TEDC1: variants seen among roughly 807,000 people sequenced by gnomAD.
TEDC1 encodes tubulin epsilon and delta complex 1, also known as tubulin epsilon and delta complex protein 1.
Under a neutral mutation model 59.9 loss-of-function variants are expected in TEDC1, and 54 were observed. That is an observed-to-expected ratio of 0.90 (90% confidence interval 0.72 to 1.13). TEDC1 has a LOEUF of 1.13. TEDC1 is among the 50% of genes most tolerant of loss of function. TEDC1 has a pLI of 0.00. For missense variants in TEDC1, 734 were observed against 683.4 expected (o/e 1.07, Z -0.83); for synonymous variants, 353 against 298.1 (o/e 1.18, Z -1.90).
At chr14:105,490,123 G>T (rs1432593553), upstream of TEDC1, 1 of 151,704 alleles carries the variant, frequency 6.6e-6, no homozygotes, top group African/African-American at 2.4e-5. Flanking sequence ...GGCGGGGAAG[G>T]ACGGAGGGCG....
In TEDC1 at chr14:105,498,829, C is replaced by G. The variant is rs1555441096; in HGVS notation, c.1371C>G (p.Ser457Arg). Residue 457 changes from serine (S) to arginine (R), a missense_variant, in exon 9 of 9, where the codon AGC (serine) becomes AGG (arginine). Physicochemically the swap from Ser to Arg is moderately radical, Grantham distance 110. Coordinates refer to ENST00000392523, the MANE Select transcript of TEDC1 (RefSeq NM_001367178.1). ...RAAVVIRTLR[S>R]QEACLEAVLR... The stretch of plus-strand genomic sequence containing the variant: ...CTGTGGTGATCAGGACGCTGAGGAG[C>G]CAGGAGGCCTGCCTGGAGGCGGTGC... 4.4e-6 allele frequency: 7 copies of G among 1,607,040 alleles called. No individual in the cohort carries two copies. The highest frequency in any genetic ancestry group is 5.9e-6 in the Non-Finnish European group (7 of 1,177,824).
In TEDC1 at chr14:105,491,612, T is replaced by G. The variant is rs1466726874; in HGVS notation, c.148-10T>G. 1 of 1,549,386 alleles carries G rather than the reference T, an allele frequency of 6.5e-7. No individual in the cohort carries two copies. Among genetic ancestry groups the G allele is most frequent in the East Asian group, 2.4e-5 (1 of 40,902 alleles). ...GGCTCCGCTGACCGCCCGCTTTTTA[T>G]TTTCCGCAGACCTCCGCGCTCTGGC... On this transcript the variant is annotated splice_polypyrimidine_tract_variant and intron_variant, in intron 1 of 8. Transcript: ENST00000392523.
chr14:105,493,805 T>G (rs1243889090), intron 4 of TEDC1, 30 bp from the exon 5 acceptor site: 3 of 1,555,304 alleles, frequency 1.9e-6, no homozygotes, highest in Non-Finnish European at 2.6e-6. Context: ...TGACTGCCAC[T>G]CAGCCTGGGG....
At position 105,493,872 on chromosome 14, in the gene TEDC1, G is replaced by T. The variant is rs781819407; in HGVS notation, c.623G>T (p.Ser208Ile). Residue 208 changes from serine (S) to isoleucine (I), a missense_variant, in exon 5 of 9, where the codon AGC (serine) becomes ATC (isoleucine). By Grantham distance (142) the Ser-to-Ile change is moderately radical (BLOSUM62 -2). Transcript: ENST00000392523. Reference protein sequence around the residue: ...LYTRGCHSDQSLSHLSVTEAE... With the variant: ...LYTRGCHSDQILSHLSVTEAE... ...ACACGCGGCTGCCACAGCGACCAGA[G>T]CCTTAGCCATCTGTCTGTCACTGAA... is the stretch of plus-strand genomic sequence containing the variant. The T allele has an allele frequency of 3.3e-5, 53 of 1,602,480 alleles. No homozygotes were observed. The Admixed American group carries it at 8.2e-4, about 25-fold the overall frequency.
chr14:105,491,396 G>T lies in TEDC1; in HGVS notation c.21G>T (p.Arg7=), dbSNP rs587737632. The change falls in exon 1 of 9, where the codon CGG becomes CGT. Residue 7 remains arginine (R), a synonymous_variant. Coordinates refer to ENST00000392523, the MANE Select transcript of TEDC1 (RefSeq NM_001367178.1). Reference sequence around the variant, plus strand: ...GCTGCATGGGGAGGCGGCGGCAGCGGGTGGACCCCGCGGCTGGGGCCCGGG... The same window carrying T: ...GCTGCATGGGGAGGCGGCGGCAGCGTGTGGACCCCGCGGCTGGGGCCCGGG... MGRRRQ[R]VDPAAGARAG... is the part of the protein sequence containing the mutation. 513 of 1,419,872 alleles carry T rather than the reference G, an allele frequency of 3.6e-4. 3 individuals carry two copies. In the African/African-American group the frequency reaches 6.2e-3, roughly 17 times the overall value. 88.0% of individuals were successfully genotyped at this position (1,419,872 alleles called of 1,614,324 possible).
Position 105,494,215 on chromosome 14 carries a change from A to G in TEDC1, c.684+282A>G, listed in dbSNP as rs1396432123. On this transcript the variant is annotated intron_variant, in intron 5 of 8. Transcript: ENST00000392523. ...GCCTGGGCTGGGCAGGCAGCTGGCT[A>G]AGGGCAGGCTGTTGGAATAAAGGAA... The G allele has an allele frequency of 1.3e-5, 7 of 521,480 alleles. No individual in the cohort carries two copies. The African/African-American group carries it at 1.4e-4, about 10-fold the overall frequency. 32.3% of individuals were successfully genotyped at this position (521,480 alleles called of 1,614,324 possible).
At chr14:105,491,986 C>G (rs1159595935) in intron 2 of TEDC1, 121 bp from the exon 3 acceptor site, 1 of 1,077,662 alleles carries the variant, frequency 9.3e-7, no homozygotes. Context: ...CTCCCACTAT[C>G]ATCTCTTCTG....
rs1020920909 is a variant in TEDC1, at chr14:105,499,154, C to T, written c.*208C>T. 8 of 609,470 alleles carry T rather than the reference C, an allele frequency of 1.3e-5. No homozygotes were observed. The Middle Eastern group carries it at 1.3e-3, about 101-fold the overall frequency. 37.8% of individuals were successfully genotyped at this position (609,470 alleles called of 1,614,324 possible). ...GCACTGGGGACAGGAATGGCTGGTC[C>T]CTTGAGGAGGTCGTGACAGGCTCAG... is the stretch of plus-strand genomic sequence containing the variant. On this transcript the variant is annotated 3_prime_UTR_variant, in exon 9 of 9. Coordinates refer to ENST00000392523, the MANE Select transcript of TEDC1 (RefSeq NM_001367178.1).
In TEDC1 at chr14:105,497,354, C is replaced by T; in HGVS notation, c.892-3C>T. 1.9e-6 allele frequency: 3 copies of T among 1,550,548 alleles called. No individual in the cohort carries two copies. Among genetic ancestry groups the T allele is most frequent in the Non-Finnish European group, 2.6e-6 (3 of 1,147,368 alleles). ...TCTAGGCCAGCTGCCGTTTGCCTTC[C>T]AGCTGCTGCGGACTCTGGAGCGTGA... On this transcript the variant is annotated splice_polypyrimidine_tract_variant and splice_region_variant and intron_variant, in intron 6 of 8. Transcript: ENST00000392523.
At chr14:105,494,087 G>A in intron 5 of TEDC1, 154 bp downstream of exon 5, 1 of 649,776 alleles carries the variant, frequency 1.5e-6, no homozygotes, top group South Asian at 1.8e-5. Flanking sequence ...TTGCCAGCCT[G>A]GGTGACAGAC....
In TEDC1 at chr14:105,496,023, C is replaced by T. The variant is rs1555440373; in HGVS notation, c.828C>T (p.Asp276=). The T allele has an allele frequency of 6.5e-7, 1 of 1,550,182 alleles. No homozygotes were observed. The highest frequency in any genetic ancestry group is 8.7e-7 in the Non-Finnish European group (1 of 1,146,904). ...VCEQPGLLPG[D]WAAPLDPGGA... is the part of the protein sequence containing the mutation. ...AGCAGCCAGGTCTGCTGCCGGGTGA[C>T]TGGGCAGCACCCTTGGATCCTGGTG... The change falls in exon 6 of 9, where the codon GAC becomes GAT. Residue 276 remains aspartate, a synonymous_variant. Transcript: ENST00000392523.
At chr14:105,497,627 C>T (rs2084377248) in intron 7 of TEDC1, 171 bp from the exon 8 acceptor site, 1 of 1,118,096 alleles carries the variant, frequency 8.9e-7, no homozygotes, top group Non-Finnish European at 1.2e-6. Flanking sequence ...CCCCCGCCCT[C>T]AGCTCCATGG....
At position 105,495,991 on chromosome 14, in the gene TEDC1, G is replaced by A. The variant is rs1001132182; in HGVS notation, c.796G>A (p.Val266Ile). The A allele has an allele frequency of 2.6e-6, 4 of 1,550,128 alleles. No individual in the cohort carries two copies. The highest frequency in any genetic ancestry group is 4.9e-5 in the East Asian group (2 of 40,932). ...PRTFWNDLWL[V>I]CEQPGLLPGD... ...AACCTTCTGGAATGATCTGTGGCTG[G>A]TATGTGAGCAGCCAGGTCTGCTGCC... The change falls in exon 6 of 9, where the codon GTA (valine) becomes ATA (isoleucine). Residue 266 changes from valine to isoleucine, a missense_variant. By Grantham distance (29) the Val-to-Ile change is conservative. Transcript: ENST00000392523.
chr14:105,490,994 C>A (rs2084192356), upstream of TEDC1: 1 of 1,540,548 alleles, frequency 6.5e-7, no homozygotes, highest in Non-Finnish European at 8.8e-7. Flanking sequence ...TGCCAGGAGC[C>A]CGGAAGTGGG....
chr14:105,499,228 C>T lies in TEDC1; in HGVS notation c.*282C>T, dbSNP rs1275216653. On this transcript the variant is annotated 3_prime_UTR_variant, in exon 9 of 9. Transcript: ENST00000392523. The stretch of plus-strand genomic sequence containing the variant: ...GAAATAAATTGTAGCAGCTTTCCTG[C>T]CGCTGGCCCTCCCCCTGCCACCCTG... 2 of 529,424 alleles carry T rather than the reference C, an allele frequency of 3.8e-6. No homozygotes were observed. The highest frequency in any genetic ancestry group is 2.4e-5 in the South Asian group (1 of 42,142). 32.8% of individuals were successfully genotyped at this position (529,424 alleles called of 1,614,324 possible).
intron 6 of TEDC1, chr14:105,496,300 T>G: frequency 3.5e-6 from 2 of 571,932 alleles, no homozygotes; most frequent in Non-Finnish European, 3.1e-6. Flanking sequence ...CGTGCTGGGG[T>G]GGGCAGGTGG....
At position 105,491,458 on chromosome 14, in the gene TEDC1, G is replaced by A. The variant is rs587594638; in HGVS notation, c.83G>A (p.Arg28Gln). The A allele has an allele frequency of 2.1e-6, 3 of 1,461,024 alleles. No individual in the cohort carries two copies. The South Asian group carries it at 4.1e-5, about 20-fold the overall frequency. The allele number at this position is 1,461,024 out of a possible 1,614,324, so 90.5% of individuals were successfully genotyped here. A position where few individuals can be genotyped will look rare whatever the true frequency, so the allele number is the denominator to read the frequency against. ...CCTGAGGCCATCGCCGCGTTGAGTC[G>A]GTCGCTGCCCTCGGGACCCAGCCCC... is the stretch of plus-strand genomic sequence containing the variant. ...ALPEAIAALS[R>Q]SLPSGPSPEI... The change falls in exon 1 of 9, where the codon CGG becomes CAG. Residue 28 changes from arginine to glutamine, a missense_variant. By Grantham distance (43) the Arg-to-Gln change is conservative. Coordinates refer to ENST00000392523, the MANE Select transcript of TEDC1 (RefSeq NM_001367178.1).
rs781912905 is a variant in TEDC1, at chr14:105,492,204, G to A, written c.324G>A (p.Arg108=). Residue 108 remains arginine, a synonymous_variant, in exon 3 of 9, where the codon CGG becomes CGA. Coordinates refer to ENST00000392523, the MANE Select transcript of TEDC1 (RefSeq NM_001367178.1). ...QLPEDGSQGS[R]ELLLALSWLL... ...CTGAGGATGGCTCGCAGGGCAGTCGGGAGCTGCTGCTGGCTCTGTCCTGGC... is the reference window on the plus strand; with the variant it reads ...CTGAGGATGGCTCGCAGGGCAGTCGAGAGCTGCTGCTGGCTCTGTCCTGGC... 8.2e-5 allele frequency: 133 copies of A among 1,612,594 alleles called. No homozygotes were observed. Among genetic ancestry groups the A allele is most frequent in the Non-Finnish European group, 1.1e-4 (129 of 1,179,920 alleles).
rs782084018 is a variant in TEDC1, at chr14:105,492,293, A to G, written c.413A>G (p.Glu138Gly). 7.5e-6 allele frequency: 12 copies of G among 1,605,174 alleles called. No homozygotes were observed. The highest frequency in any genetic ancestry group is 1.0e-5 in the Non-Finnish European group (12 of 1,179,938). ...CAGGCCCGAGTGCCTCTGGGTGACG[A>G]GATGACTGTGTGCCAGGTGCGTGTG... ...LAQARVPLGD[E>G]MTVCQCEALA... Residue 138 changes from glutamate (E) to glycine (G), a missense_variant, in exon 3 of 9, where the codon GAG becomes GGG. Coordinates refer to ENST00000392523, the MANE Select transcript of TEDC1 (RefSeq NM_001367178.1).
Sources: allele counts gnomAD v4.1 joint callset, GRCh38; gene constraint gnomAD v4.1.1; transcripts MANE v1.5; gene names NCBI Gene and HGNC (gene_info 2026-07-23, HGNC 2026-07-21).